TMPRSS11D: variants seen among roughly 807,000 people sequenced by gnomAD.
TMPRSS11D encodes the protein transmembrane protease serine 11D.
In TMPRSS11D, 32 loss-of-function variants were observed where a neutral mutation model predicts 44.4. The observed-to-expected ratio is 0.72, with a 90% CI of 0.54 to 0.97. The LOEUF is 0.97. Among genes scored for constraint, TMPRSS11D ranks in the 50% least tolerant of loss-of-function variants. The pLI is 0.00. For missense variants in TMPRSS11D, 446 were observed against 502.6 expected, an observed-to-expected ratio of 0.89 and a Z score of 1.08; for synonymous variants, 179 against 177.9, an observed-to-expected ratio of 1.01 and a Z score of -0.05.
At chr4:67,859,043 C>G (rs1300308649) in intron 2 of TMPRSS11D, among the ~76,000 whole-genome samples, 1 of 152,106 alleles carries the variant, frequency 6.6e-6, no homozygotes, top group Admixed American at 6.6e-5. Flanking sequence ...AATTTATCTC[C>G]TGACCATCCT....
intron 1 of TMPRSS11D, among the ~76,000 whole-genome samples, chr4:67,865,116 C>A (rs777838718): frequency 6.6e-6 from 1 of 151,382 alleles, no homozygotes; most frequent in Non-Finnish European, 1.5e-5. Flanking sequence ...TATATTAGGC[C>A]ACAAAACAAG....
chr4:67,865,866 A>T (rs1028872930), intron 1 of TMPRSS11D, among the ~76,000 whole-genome samples: 1 of 151,924 alleles, frequency 6.6e-6, no homozygotes, highest in African/African-American at 2.4e-5. Context: ...TTTCAACAAC[A>T]ACAAAAATCC....
intron 3 of TMPRSS11D, among the ~76,000 whole-genome samples, chr4:67,853,324 T>G (rs1718553668): frequency 6.6e-6 from 1 of 152,208 alleles, no homozygotes; most frequent in Non-Finnish European, 1.5e-5. Flanking sequence ...TTAAGGAATA[T>G]TCCAGAAAAT....
intron 5 of TMPRSS11D, 121 bp from the exon 6 acceptor site, chr4:67,835,242 G>A: frequency 1.2e-6 from 1 of 829,536 alleles, no homozygotes; most frequent in Non-Finnish European, 1.9e-6. Flanking sequence ...GTTGGGAGGT[G>A]GTCCTCTAAA....
At chr4:67,843,528 T>C (rs550860564) in intron 3 of TMPRSS11D, among the ~76,000 whole-genome samples, 3 of 152,152 alleles carry the variant, frequency 2.0e-5, no homozygotes, top group Non-Finnish European at 4.4e-5. Context: ...ACCTATTATG[T>C]ACCCATAATA....
At chr4:67,842,249 C>T (rs140014562) in intron 4 of TMPRSS11D, among the ~76,000 whole-genome samples, 5 of 152,284 alleles carry the variant, frequency 3.3e-5, no homozygotes, top group African/African-American at 1.2e-4. Context: ...ACATAGGCTG[C>T]ACTGTGAATG....
At chr4:67,837,824 G>T (rs1315008132) in intron 5 of TMPRSS11D, among the ~76,000 whole-genome samples, 1 of 150,530 alleles carries the variant, frequency 6.6e-6, no homozygotes, top group Non-Finnish European at 1.5e-5. Context: ...AAGCCTCTGA[G>T]GTGGATCATT....
intron 9 of TMPRSS11D, 80 bp downstream of exon 9, chr4:67,825,652 T>A: frequency 1.4e-6 from 2 of 1,470,592 alleles, no homozygotes; most frequent in South Asian, 1.4e-5. Flanking sequence ...GTTACACTTA[T>A]GTCTATCACA....
In TMPRSS11D at chr4:67,821,131, T is replaced by C. The variant is rs1205419331; in HGVS notation, c.*1206A>G. The C allele has an allele frequency of 6.6e-6, 1 of 152,240 alleles. No individual in the cohort carries two copies. Among genetic ancestry groups the C allele is most frequent in the Admixed American group, 6.5e-5 (1 of 15,278 alleles). The allele number at this position is 152,240 out of a possible 1,614,324, so 9.4% of individuals were successfully genotyped here. ...TAGATGATCATGCATAGGCAAACTT[T>C]AGCTGTACTAGGAGCTCATAAAAAC... On this transcript the variant is annotated 3_prime_UTR_variant, in exon 10 of 10. Coordinates refer to ENST00000283916, the MANE Select transcript of TMPRSS11D (RefSeq NM_004262.3).
intron 3 of TMPRSS11D, among the ~76,000 whole-genome samples, chr4:67,851,405 G>T (rs1718505468): frequency 6.6e-6 from 1 of 152,198 alleles, no homozygotes; most frequent in Non-Finnish European, 1.5e-5. Flanking sequence ...GCAGGCAATG[G>T]CTGAGAGACA....
At chr4:67,828,698 C>A (rs1717867020) in intron 7 of TMPRSS11D, among the ~76,000 whole-genome samples, 4 of 152,066 alleles carry the variant, frequency 2.6e-5, no homozygotes, top group African/African-American at 7.2e-5. Context: ...TGAAGTATTT[C>A]TTTGAAGAAT....
chr4:67,859,429 A>T, intron 2 of TMPRSS11D, 128 bp downstream of exon 2: 2 of 1,101,500 alleles, frequency 1.8e-6, no homozygotes, highest in Non-Finnish European at 2.5e-6. Flanking sequence ...GGGAAGAATT[A>T]TAAGTAAGAT....
chr4:67,825,774 C>T lies in TMPRSS11D; in HGVS notation c.1053G>A (p.Met351Ile), dbSNP rs1717776307. The T allele has an allele frequency of 1.3e-5, 21 of 1,613,130 alleles. No individual in the cohort carries two copies. Among genetic ancestry groups the T allele is most frequent in the Non-Finnish European group, 1.8e-5 (21 of 1,179,474 alleles). The change falls in exon 9 of 10, where the codon ATG becomes ATA. Residue 351 changes from methionine to isoleucine, a missense_variant. Transcript: ENST00000283916. The part of the protein sequence containing the change: ...HSYNGAILSG[M>I]LCAGVPQGGV... ...CACCTTGAGGTACTCCAGCACACAG[C>T]ATTCCAGACAAGATGGCTCCATTAT... is the stretch of plus-strand genomic sequence containing the variant.
chr4:67,845,402 G>A (rs1048572092), intron 3 of TMPRSS11D, among the ~76,000 whole-genome samples: 1 of 152,134 alleles, frequency 6.6e-6, no homozygotes, highest in Non-Finnish European at 1.5e-5. Context: ...GGTTAGTTTA[G>A]CTTGCATCAC....
intron 1 of TMPRSS11D, among the ~76,000 whole-genome samples, chr4:67,863,759 C>A (rs1321282474): frequency 6.6e-6 from 1 of 151,954 alleles, no homozygotes; most frequent in Non-Finnish European, 1.5e-5. Context: ...AAGACAATAC[C>A]TTCCTCATAA....
chr4:67,849,214 T>C (rs1408310815), intron 3 of TMPRSS11D, among the ~76,000 whole-genome samples: 1 of 152,164 alleles, frequency 6.6e-6, no homozygotes, highest in Non-Finnish European at 1.5e-5. Flanking sequence ...TTAATAGGGA[T>C]AGGTATTGTT....
chr4:67,868,860 A>G (rs1718988904), intron 1 of TMPRSS11D, among the ~76,000 whole-genome samples: 1 of 152,200 alleles, frequency 6.6e-6, no homozygotes, highest in Non-Finnish European at 1.5e-5. Context: ...TTATTAGTCC[A>G]GTAATGGGAT....
At chr4:67,828,143 A>AT (rs1369372627) in intron 7 of TMPRSS11D, among the ~76,000 whole-genome samples, 2 of 151,978 alleles carry the variant, frequency 1.3e-5, no homozygotes, top group Non-Finnish European at 2.9e-5. Flanking sequence ...GATTTCAAAG[A>AT]TTTTTGCATG....
At chr4:67,875,473 G>A (rs747790078) in intron 1 of TMPRSS11D, among the ~76,000 whole-genome samples, 17 of 152,162 alleles carry the variant, frequency 1.1e-4, no homozygotes, top group South Asian at 4.2e-4. Flanking sequence ...ATCCTCCCAC[G>A]ACTCCTACAC....
Sources: gnomAD v4.1 joint callset for allele counts (sites outside exome capture counted in the v4.1 genomes callset) on GRCh38, gnomAD v4.1.1 for gene constraint, MANE v1.5 for transcripts, NCBI Gene and HGNC (gene_info 2026-07-23, HGNC 2026-07-21) for gene names.